Variants in PCLO observed in about 807,000 individuals in gnomAD.
PCLO encodes piccolo presynaptic cytomatrix protein.
A neutral mutation model predicts 427.5 loss-of-function variants in PCLO; 82 were observed. The observed-to-expected ratio is 0.19, with a 90% confidence interval of 0.16 to 0.23. The LOEUF (loss-of-function observed/expected upper bound fraction) is 0.23, where lower values mean the gene tolerates loss of function less well. Ranked by LOEUF, PCLO falls within the 10% of genes least tolerant of loss-of-function variation. The pLI, the probability that PCLO is intolerant of heterozygous loss-of-function variation, is 1.00. For missense variants in PCLO, 6,239 were observed against 6,115.9 expected, an observed-to-expected ratio of 1.02 and a Z score of -0.67; for synonymous variants, 2,357 against 2,155.4, an observed-to-expected ratio of 1.09 and a Z score of -2.59.
intron 3 of PCLO, among the ~76,000 whole-genome samples, chr7:83,020,003 T>C (rs533061626): frequency 6.6e-6 from 1 of 152,260 alleles, no homozygotes; most frequent in African/African-American, 2.4e-5. Flanking sequence ...GTCTAAATGA[T>C]GAAGAAGAAT....
At chr7:83,121,065 C>T (rs1464119631) in intron 3 of PCLO, among the ~76,000 whole-genome samples, 4 of 151,994 alleles carry the variant, frequency 2.6e-5, no homozygotes, top group Non-Finnish European at 4.4e-5. Flanking sequence ...GGGCAGATCA[C>T]GAGGTCAGGA....
chr7:82,866,037 G>T (rs546554864), intron 10 of PCLO, among the ~76,000 whole-genome samples: 1 of 152,106 alleles, frequency 6.6e-6, no homozygotes. Flanking sequence ...GCTCTTTCAC[G>T]TGTTCACTCA....
intron 6 of PCLO, among the ~76,000 whole-genome samples, chr7:82,917,108 CT>C (rs1263273747): frequency 6.6e-6 from 1 of 151,986 alleles, no homozygotes; most frequent in Non-Finnish European, 1.5e-5. Flanking sequence ...GTTATAAAAA[CT>C]TATTTTCAAG....
chr7:82,951,077 C>G lies in PCLO; in HGVS notation c.9511G>C (p.Glu3171Gln). The change falls in exon 6 of 25, where the codon GAG (glutamate) becomes CAG (glutamine). Residue 3171 changes from glutamate to glutamine, a missense_variant. Coordinates refer to ENST00000333891, the MANE Select transcript of PCLO (RefSeq NM_033026.6). ...TCTATCGTCTCAGCAGTAAGAGACTCCATAGTAATAGTTTGCAAACTGGCA... is the reference window on the plus strand; with the variant it reads ...TCTATCGTCTCAGCAGTAAGAGACTGCATAGTAATAGTTTGCAAACTGGCA... ...ISASLQTITMESLTAETIDSV... is the reference protein window; with the variant it reads ...ISASLQTITMQSLTAETIDSV... 1 of 1,613,848 alleles carries G rather than the reference C, an allele frequency of 6.2e-7. No individual in the cohort carries two copies.
chr7:83,108,698 T>C lies in PCLO; in HGVS notation c.3300+25552A>G, dbSNP rs189187309. 5.3e-5 allele frequency among the ~76,000 whole-genome samples: 8 copies of C among 152,158 alleles called. No homozygotes were observed. The East Asian group carries it at 1.5e-3, about 29-fold the overall frequency. On this transcript the variant is annotated intron_variant, in intron 3 of 24. Transcript: ENST00000333891. ...TGATTGTATTTCTTTGTAAACTACA[T>C]TCCACCTCCTCATTTTTTTACCTGG...
intron 3 of PCLO, among the ~76,000 whole-genome samples, chr7:83,032,547 C>T (rs1434489638): frequency 1.4e-5 from 2 of 147,076 alleles, no homozygotes; most frequent in East Asian, 4.2e-4. Flanking sequence ...TGATTGTATT[C>T]TCTTGCTATC....
intron 3 of PCLO, among the ~76,000 whole-genome samples, chr7:82,979,613 C>G (rs1294731734): frequency 6.6e-6 from 1 of 152,150 alleles, no homozygotes; most frequent in East Asian, 1.9e-4. Context: ...CATTTTGTTT[C>G]TATCAGCAAA....
intron 1 of PCLO, among the ~76,000 whole-genome samples, chr7:83,156,693 A>G (rs1456266696): frequency 2.0e-5 from 3 of 151,842 alleles, no homozygotes; most frequent in Non-Finnish European, 2.9e-5. Context: ...TTACCTTTGC[A>G]CTTAATAGAA....
intron 16 of PCLO, among the ~76,000 whole-genome samples, chr7:82,829,975 T>C (rs1792051691): frequency 6.6e-6 from 1 of 151,992 alleles, no homozygotes; most frequent in Admixed American, 6.6e-5. Context: ...TAATATGGTA[T>C]GGTATAATGG....
At chr7:82,970,120 CA>C (rs1795867741) in intron 3 of PCLO, among the ~76,000 whole-genome samples, 1 of 151,698 alleles carries the variant, frequency 6.6e-6, no homozygotes, top group African/African-American at 2.4e-5. Context: ...CATATGCCTG[CA>C]AAAAGGCAAT....
At position 82,949,593 on chromosome 7, in the gene PCLO, G is replaced by A. The variant is rs1376445224; in HGVS notation, c.10995C>T (p.Pro3665=). 6.2e-7 allele frequency: 1 copy of A among 1,613,706 alleles called. No homozygotes were observed. Among genetic ancestry groups the A allele is most frequent in the Non-Finnish European group, 8.5e-7 (1 of 1,179,842 alleles). Residue 3665 remains proline, a synonymous_variant, in exon 6 of 25, where the codon CCC becomes CCT. Transcript: ENST00000333891. The part of the protein sequence containing the change: ...KVLHPDMAKV[P]PASPKTAKMM... Reference sequence around the variant, plus strand: ...TCTTGGCTGTCTTAGGACTTGCTGGGGGAACTTTAGCCATATCTGGATGCA... The same window carrying A: ...TCTTGGCTGTCTTAGGACTTGCTGGAGGAACTTTAGCCATATCTGGATGCA...
At chr7:82,764,145 A>G (rs1427542747) in intron 22 of PCLO, among the ~76,000 whole-genome samples, 1 of 151,954 alleles carries the variant, frequency 6.6e-6, no homozygotes, top group Non-Finnish European at 1.5e-5. Flanking sequence ...AAATTAATGA[A>G]TAAAGAAGGG....
At chr7:83,035,600 C>T (rs918084982) in intron 3 of PCLO, among the ~76,000 whole-genome samples, 1 of 152,032 alleles carries the variant, frequency 6.6e-6, no homozygotes, top group African/African-American at 2.4e-5. Flanking sequence ...AATCTCTGTA[C>T]TCTAAGACCT....
intron 20 of PCLO, among the ~76,000 whole-genome samples, chr7:82,818,832 T>C (rs1363480973): frequency 6.6e-6 from 1 of 152,140 alleles, no homozygotes; most frequent in Non-Finnish European, 1.5e-5. Flanking sequence ...GACAAAACAC[T>C]CTGTACAACA....
At position 83,062,957 on chromosome 7, in the gene PCLO, A is replaced by G. The variant is rs1583974312; in HGVS notation, c.3300+71293T>C. 4.6e-5 allele frequency among the ~76,000 whole-genome samples: 7 copies of G among 152,124 alleles called. No individual in the cohort carries two copies. The South Asian group carries it at 1.4e-3, about 31-fold the overall frequency. The stretch of plus-strand genomic sequence containing the variant: ...CTATTTCCAAATTTTCACATATATA[A>G]CTGCTATATTAATATTCCTAAATTC... On this transcript the variant is annotated intron_variant, in intron 3 of 24. Transcript: ENST00000333891.
rs759300571 is a variant in PCLO, at chr7:82,952,824, A to AAAT, written c.8126_8128dup (p.His2709_Leu2710insTyr). 2 of 1,613,712 alleles carry AAAT rather than the reference A, an allele frequency of 1.2e-6. No individual in the cohort carries two copies. The highest frequency in any genetic ancestry group is 1.7e-6 in the Non-Finnish European group (2 of 1,179,804). ...ATCTTCTTTATACTGAGGCTTCTCT[A>AAAT]AATGTATGTTATCTAGAGCAAGAGG... On this transcript the variant is annotated inframe_insertion, in exon 5 of 25. Coordinates refer to ENST00000333891, the MANE Select transcript of PCLO (RefSeq NM_033026.6).
chr7:82,978,857 A>AAAC lies in PCLO; in HGVS notation c.3301-12371_3301-12370insGTT, dbSNP rs1562896084. 5.9e-3 allele frequency among the ~76,000 whole-genome samples: 814 copies of AAAC among 138,664 alleles called. 1 individual carries two copies. Among genetic ancestry groups the AAAC allele is most frequent in the Non-Finnish European group, 9.0e-3 (580 of 64,508 alleles). 91.0% of individuals were successfully genotyped at this position (138,664 alleles called of 152,430 possible). ...AGAAACACACACACACACACACACA[A>AAAC]ACACACACACACACACACACACACA... is the stretch of plus-strand genomic sequence containing the variant. On this transcript the variant is annotated intron_variant, in intron 3 of 24. Coordinates refer to ENST00000333891, the MANE Select transcript of PCLO (RefSeq NM_033026.6).
At chr7:83,001,142 C>T (rs898678798) in intron 3 of PCLO, among the ~76,000 whole-genome samples, 1 of 151,826 alleles carries the variant, frequency 6.6e-6, no homozygotes, top group East Asian at 1.9e-4. Flanking sequence ...AAAAATTTGA[C>T]AAACTTACTG....
At chr7:82,859,052 C>T (rs1298227404) in intron 10 of PCLO, among the ~76,000 whole-genome samples, 1 of 152,100 alleles carries the variant, frequency 6.6e-6, no homozygotes, top group Admixed American at 6.6e-5. Flanking sequence ...GGAAGGATTG[C>T]GTTTGGTTGT....
Sources: allele counts gnomAD v4.1 joint callset (sites outside exome capture counted in the v4.1 genomes callset), GRCh38; gene constraint gnomAD v4.1.1; transcripts MANE v1.5; gene names NCBI Gene and HGNC (gene_info 2026-07-23, HGNC 2026-07-21).